EBF1: variants seen among roughly 807,000 people sequenced by gnomAD.
The protein encoded by EBF1 is transcription factor COE1.
A neutral mutation model predicts 68.4 loss-of-function variants in EBF1; 10 were observed. That is an observed-to-expected ratio of 0.15 (90% CI 0.09 to 0.25). The LOEUF (loss-of-function observed/expected upper bound fraction) is 0.25. Among genes scored for constraint, EBF1 ranks in the 10% least tolerant of loss-of-function variants. The pLI, the probability that EBF1 is intolerant of heterozygous loss-of-function variation, is 1.00. For synonymous variants in EBF1, 298 were observed against 299.8 expected (o/e 0.99, Z 0.06); for missense variants, 509 against 794.4 (o/e 0.64, Z 4.32).
At chr5:158,955,523 G>A (rs1252826041) in intron 6 of EBF1, among the ~76,000 whole-genome samples, 1 of 152,182 alleles carries the variant, frequency 6.6e-6, no homozygotes, top group African/African-American at 2.4e-5. Context: ...GGGCCAGAGT[G>A]AGACCTGGAA....
chr5:159,011,152 G>C (rs1031322020), intron 6 of EBF1, among the ~76,000 whole-genome samples: 3 of 152,200 alleles, frequency 2.0e-5, no homozygotes, highest in Non-Finnish European at 4.4e-5. Context: ...CAAGCACAAC[G>C]CTTCTTTTAT....
intron 6 of EBF1, among the ~76,000 whole-genome samples, chr5:158,932,806 T>C (rs1425395444): frequency 6.6e-6 from 1 of 152,234 alleles, no homozygotes; most frequent in African/African-American, 2.4e-5. Flanking sequence ...CCTTTAAAAG[T>C]ATCTCTGTAC....
intron 6 of EBF1, among the ~76,000 whole-genome samples, chr5:159,040,961 A>C (rs1406607136): frequency 6.6e-6 from 1 of 151,406 alleles, no homozygotes; most frequent in Non-Finnish European, 1.5e-5. Context: ...TGTAGACAAG[A>C]GACACCAATA....
intron 6 of EBF1, among the ~76,000 whole-genome samples, chr5:158,930,902 A>G (rs1810742337): frequency 6.6e-6 from 1 of 151,982 alleles, no homozygotes. Flanking sequence ...AAAAAAACAC[A>G]TTTTCATATC....
intron 10 of EBF1, among the ~76,000 whole-genome samples, chr5:158,760,256 A>G (rs1482293525): frequency 2.0e-5 from 3 of 152,194 alleles, no homozygotes; most frequent in South Asian, 2.1e-4. Flanking sequence ...TTAAAATGTA[A>G]AACAATGCCC....
chr5:158,848,178 G>A (rs773520490), intron 6 of EBF1, among the ~76,000 whole-genome samples: 1 of 152,118 alleles, frequency 6.6e-6, no homozygotes, highest in Non-Finnish European at 1.5e-5. Flanking sequence ...AAGAGGTAAG[G>A]TAATTTGCCC....
intron 6 of EBF1, among the ~76,000 whole-genome samples, chr5:158,933,629 C>CT (rs577533720): frequency 6.8e-4 from 103 of 152,336 alleles, no homozygotes; most frequent in Admixed American, 2.4e-3. Context: ...GGACTTGCAT[C>CT]TTTGTCCTGT....
In EBF1 at chr5:159,081,739, C is replaced by T. The variant is rs1779774990; in HGVS notation, c.485+2927G>A. Among the ~76,000 whole-genome samples, 3 of 152,162 alleles carry T rather than the reference C, an allele frequency of 2.0e-5. No individual in the cohort carries two copies. The South Asian group carries it at 6.2e-4, about 32-fold the overall frequency. On this transcript the variant is annotated intron_variant, in intron 5 of 15. Transcript: ENST00000313708. ...GAGCTCTGGGAACTAGGTTCACTGA[C>T]CAAGCATAGTTCTTATTTTCCATCC...
intron 6 of EBF1, among the ~76,000 whole-genome samples, chr5:158,988,106 T>C (rs1374752165): frequency 6.6e-6 from 1 of 152,170 alleles, no homozygotes; most frequent in African/African-American, 2.4e-5. Context: ...GTGCTTAAAA[T>C]AGGTGGAATG....
At chr5:158,953,724 G>C (rs1268964619) in intron 6 of EBF1, among the ~76,000 whole-genome samples, 1 of 152,132 alleles carries the variant, frequency 6.6e-6, no homozygotes, top group Non-Finnish European at 1.5e-5. Flanking sequence ...GATTTGTAAG[G>C]GTAGAGATTT....
Position 158,777,788 on chromosome 5 carries a change from C to A in EBF1, c.910-249G>T, listed in dbSNP as rs543481831. On this transcript the variant is annotated intron_variant, in intron 9 of 15. Coordinates refer to ENST00000313708, the MANE Select transcript of EBF1 (RefSeq NM_024007.5). ...TCTGCTTCCTGGTTTGAACAGGGAA[C>A]CTGGCCTAATGAAATGATTTATCTA... 3.9e-5 allele frequency among the ~76,000 whole-genome samples: 6 copies of A among 152,252 alleles called. No individual in the cohort carries two copies. In the East Asian group the frequency reaches 9.7e-4, roughly 24 times the overall value.
intron 6 of EBF1, among the ~76,000 whole-genome samples, chr5:159,069,978 T>C (rs1157502144): frequency 1.3e-5 from 2 of 152,222 alleles, no homozygotes; most frequent in African/African-American, 4.8e-5. Flanking sequence ...TATTAGTTAC[T>C]GTGTCAATAT....
In EBF1 at chr5:158,699,081, T is replaced by G; in HGVS notation, c.*30A>C. On this transcript the variant is annotated 3_prime_UTR_variant, in exon 16 of 16. Coordinates refer to ENST00000313708, the MANE Select transcript of EBF1 (RefSeq NM_024007.5). ...CTCTCTGTAGCAGAATCCAACCTCT[T>G]CATTAATACAATTCTTCAAGGCAAT... 3 of 1,591,710 alleles carry G rather than the reference T, an allele frequency of 1.9e-6. No individual in the cohort carries two copies. Among genetic ancestry groups the G allele is most frequent in the Non-Finnish European group, 2.6e-6 (3 of 1,170,026 alleles).
chr5:158,816,408 A>G (rs1783747243), intron 8 of EBF1, among the ~76,000 whole-genome samples: 1 of 152,238 alleles, frequency 6.6e-6, no homozygotes, highest in African/African-American at 2.4e-5. Flanking sequence ...AAGAGTGCTG[A>G]ATGGATTTTG....
chr5:159,041,484 C>T (rs1771193294), intron 6 of EBF1, among the ~76,000 whole-genome samples: 1 of 152,156 alleles, frequency 6.6e-6, no homozygotes, highest in Non-Finnish European at 1.5e-5. Flanking sequence ...TTATGTATTT[C>T]ATTTCTTTGA....
chr5:159,083,006 T>C (rs1022134029), intron 5 of EBF1, among the ~76,000 whole-genome samples: 4 of 152,216 alleles, frequency 2.6e-5, no homozygotes, highest in Non-Finnish European at 4.4e-5. Context: ...AAAGGCATAA[T>C]ATATCTTTAA....
At chr5:158,869,236 G>C (rs1796444901) in intron 6 of EBF1, among the ~76,000 whole-genome samples, 1 of 152,172 alleles carries the variant, frequency 6.6e-6, no homozygotes, top group Non-Finnish European at 1.5e-5. Context: ...GGAGACAGCT[G>C]AAAAGTGCTT....
chr5:159,051,996 C>T (rs903136084), intron 6 of EBF1, among the ~76,000 whole-genome samples: 8 of 95,144 alleles, frequency 8.4e-5, no homozygotes, highest in African/African-American at 3.5e-4. Flanking sequence ...CGCACAGGCT[C>T]ATAAGACACA....
chr5:159,080,252 C>A (rs962650250), intron 5 of EBF1, among the ~76,000 whole-genome samples: 1 of 152,180 alleles, frequency 6.6e-6, no homozygotes, highest in African/African-American at 2.4e-5. Context: ...CCTCCCTATT[C>A]CTGCTACCCA....
Sources: allele counts gnomAD v4.1 joint callset (sites outside exome capture counted in the v4.1 genomes callset), GRCh38; gene constraint gnomAD v4.1.1; transcripts MANE v1.5; gene names NCBI Gene and HGNC (gene_info 2026-07-23, HGNC 2026-07-21).